DDX43: variants seen among roughly 807,000 people sequenced by gnomAD.
The protein encoded by DDX43 is probable ATP-dependent RNA helicase DDX43.
In DDX43, 50 loss-of-function variants were observed where a neutral mutation model predicts 84.9. That is an observed-to-expected ratio of 0.59 (90% confidence interval 0.47 to 0.75). DDX43 has a LOEUF of 0.75. Among genes scored for constraint, DDX43 ranks in the 30% least tolerant of loss-of-function variants. DDX43 has a pLI of 0.00. For missense variants in DDX43, 689 were observed against 798.6 expected, an observed-to-expected ratio of 0.86 and a Z score of 1.65; for synonymous variants, 291 against 266.3, an observed-to-expected ratio of 1.09 and a Z score of -0.90.
At position 73,394,838 on chromosome 6, in the gene DDX43, TACG is replaced by T; in HGVS notation, c.-64_-62del. ...CGTGGCTTCCCTGGCACGCTACTCT[TACG>T]ACGTCACGGTCAGGTGGTGCAGAGC... On this transcript the variant is annotated 5_prime_UTR_variant, in exon 1 of 17. Coordinates refer to ENST00000370336, the MANE Select transcript of DDX43 (RefSeq NM_018665.3). 2 of 1,576,208 alleles carry T rather than the reference TACG, an allele frequency of 1.3e-6. No homozygotes were observed. Among genetic ancestry groups the T allele is most frequent in the Non-Finnish European group, 1.7e-6 (2 of 1,161,568 alleles).
At chr6:73,405,317 C>T (rs775213941) in intron 5 of DDX43, among the ~76,000 whole-genome samples, 1 of 152,142 alleles carries the variant, frequency 6.6e-6, no homozygotes, top group Non-Finnish European at 1.5e-5. Flanking sequence ...TACTTCCTAA[C>T]ACATAGGATT....
chr6:73,413,736 A>C lies in DDX43; in HGVS notation c.1447A>C (p.Ser483Arg), dbSNP rs1769848341. The C allele has an allele frequency of 6.2e-7, 1 of 1,613,912 alleles. No individual in the cohort carries two copies. Among genetic ancestry groups the C allele is most frequent in the South Asian group, 1.1e-5 (1 of 91,044 alleles). ...KWSHMQTFLQ[S>R]MSSTDKVIVF... ...GAGTCACATGCAAACTTTTCTACAG[A>C]GTATGTCATCCACAGACAAAGTCAT... The change falls in exon 12 of 17, where the codon AGT (serine) becomes CGT (arginine). Residue 483 changes from serine to arginine, a missense_variant. Ser to Arg is a moderately radical substitution (Grantham distance 110). Around this residue, in one of 2 missense-constraint regions of DDX43, gnomAD observed 552 missense variants for 692.7 expected, o/e 0.80. Coordinates refer to ENST00000370336, the MANE Select transcript of DDX43 (RefSeq NM_018665.3).
chr6:73,399,388 C>T (rs1769527846), intron 2 of DDX43, among the ~76,000 whole-genome samples: 1 of 152,156 alleles, frequency 6.6e-6, no homozygotes, highest in African/African-American at 2.4e-5. Context: ...TGTCCTCTCC[C>T]CTAATTCCTT....
chr6:73,397,576 C>T lies in DDX43; in HGVS notation c.251-113C>T, dbSNP rs913374026. On this transcript the variant is annotated intron_variant, in intron 1 of 16. Coordinates refer to ENST00000370336, the MANE Select transcript of DDX43 (RefSeq NM_018665.3). Reference sequence around the variant, plus strand: ...TTCCAAACAAAAAATGATTGTTGAACCCTAGGAGCATTTGGGGGGAAGAAC... The same window carrying T: ...TTCCAAACAAAAAATGATTGTTGAATCCTAGGAGCATTTGGGGGGAAGAAC... 1.8e-5 allele frequency: 15 copies of T among 831,810 alleles called. No homozygotes were observed. In the East Asian group the frequency reaches 2.5e-4, roughly 14 times the overall value. The allele number at this position is 831,810 out of a possible 1,614,324, so 51.5% of individuals were successfully genotyped here.
At chr6:73,412,651 G>GTA (rs1769811756) in intron 11 of DDX43, among the ~76,000 whole-genome samples, 2 of 83,844 alleles carry the variant, frequency 2.4e-5, no homozygotes, top group Admixed American at 1.2e-4. Flanking sequence ...GTGTGTGTGT[G>GTA]TGTGTGTGTG....
intron 11 of DDX43, 44 bp from the exon 12 acceptor site, chr6:73,413,614 C>CATTAAAA: frequency 6.3e-7 from 1 of 1,594,862 alleles, no homozygotes; most frequent in Non-Finnish European, 8.5e-7. Flanking sequence ...GTCTCACCCT[C>CATTAAAA]AATCATGATG....
chr6:73,407,907 G>C, intron 8 of DDX43, 53 bp from the exon 9 acceptor site: 7 of 1,535,332 alleles, frequency 4.6e-6, no homozygotes, highest in Non-Finnish European at 6.2e-6. Context: ...ATTTTAAGTT[G>C]TGATGAGATA....
intron 2 of DDX43, chr6:73,397,946 C>T (rs1769504191): frequency 9.6e-6 from 4 of 418,388 alleles, no homozygotes; most frequent in Non-Finnish European, 1.7e-5. Flanking sequence ...TACGGGTTCC[C>T]ACCACCAAGC....
intron 9 of DDX43, among the ~76,000 whole-genome samples, chr6:73,408,349 T>C (rs923905833): frequency 6.6e-6 from 1 of 151,792 alleles, no homozygotes; most frequent in African/African-American, 2.4e-5. Context: ...ACAGAATCAC[T>C]TGAACCTGGG....
chr6:73,397,713 A>G lies in DDX43; in HGVS notation c.275A>G (p.Asn92Ser). 1 of 1,613,810 alleles carries G rather than the reference A, an allele frequency of 6.2e-7. No individual in the cohort carries two copies. The highest frequency in any genetic ancestry group is 8.5e-7 in the Non-Finnish European group (1 of 1,179,706). ...GGTCGTGGTGGGTCAAAAATAAAGA[A>G]TATACAAAGTACAACAAACACCACA... ...VIGRGGSKIK[N>S]IQSTTNTTIQ... Residue 92 changes from asparagine (N) to serine (S), a missense_variant, in exon 2 of 17, where the codon AAT becomes AGT. By Grantham distance (46) the Asn-to-Ser change is conservative. Transcript: ENST00000370336.
chr6:73,397,638 A>G, intron 1 of DDX43, 51 bp from the exon 2 acceptor site: 1 of 1,452,658 alleles, frequency 6.9e-7, no homozygotes, highest in South Asian at 1.2e-5. Context: ...GTAAATTTTC[A>G]ACTTACTAAT....
chr6:73,402,578 T>G (rs1447541501), intron 4 of DDX43, among the ~76,000 whole-genome samples: 1 of 151,974 alleles, frequency 6.6e-6, no homozygotes, highest in African/African-American at 2.4e-5. Context: ...CAGCCTTGTT[T>G]GAATTTTATT....
chr6:73,402,490 C>T (rs575530676), intron 4 of DDX43, among the ~76,000 whole-genome samples: 1 of 152,312 alleles, frequency 6.6e-6, no homozygotes, highest in African/African-American at 2.4e-5. Flanking sequence ...CCAGGCTAGT[C>T]TCGAACTCCT....
chr6:73,401,879 G>T lies in DDX43; in HGVS notation c.457G>T (p.Val153Phe). The T allele has an allele frequency of 6.2e-7, 1 of 1,613,300 alleles. No individual in the cohort carries two copies. The highest frequency in any genetic ancestry group is 1.1e-5 in the South Asian group (1 of 91,036). Residue 153 changes from valine (V) to phenylalanine (F), a missense_variant, in exon 4 of 17, where the codon GTT (valine) becomes TTT (phenylalanine). By Grantham distance (50) the Val-to-Phe change is conservative (BLOSUM62 -1). Around this residue, in one of 2 missense-constraint regions of DDX43, gnomAD observed 552 missense variants for 692.7 expected, o/e 0.80. Coordinates refer to ENST00000370336, the MANE Select transcript of DDX43 (RefSeq NM_018665.3). ...AACAGATACTGCATTCCAACCTTCT[G>T]TTGGAAAAGATGGAAGCACAGATAA... is the stretch of plus-strand genomic sequence containing the variant. ...CGIDTAFQPS[V>F]GKDGSTDNNV...
rs141080238 is a variant in DDX43 at position 73,401,668 on chromosome 6, G to A, written c.437-191G>A. Among the ~76,000 whole-genome samples the A allele has an allele frequency of 3.5e-3, 539 of 152,162 alleles. 7 individuals are homozygous for A. The highest frequency in any genetic ancestry group is 0.03 in the East Asian group (153 of 5,162). The stretch of plus-strand genomic sequence containing the variant: ...AATACAAAAATTAGCTGGGCGTTGC[G>A]GCGTGTGCCTGTACTCCCAGCTGCT... On this transcript the variant is annotated intron_variant, in intron 3 of 16. Transcript: ENST00000370336.
rs1228141828 is a variant in DDX43, at chr6:73,415,482, TC to T, written c.1746-10del. ...TGAATAATGAATACATGAGTTTTTT[TC>T]CCCCACACTAAAGGAGGACTGGTGT... is the stretch of plus-strand genomic sequence containing the variant. On this transcript the variant is annotated splice_polypyrimidine_tract_variant and intron_variant, in intron 14 of 16. Coordinates refer to ENST00000370336, the MANE Select transcript of DDX43 (RefSeq NM_018665.3). The T allele has an allele frequency of 1.3e-6, 2 of 1,593,536 alleles. No individual in the cohort carries two copies. Among genetic ancestry groups the T allele is most frequent in the Non-Finnish European group, 1.7e-6 (2 of 1,163,896 alleles).
intron 1 of DDX43, 76 bp downstream of exon 1, chr6:73,395,231 A>G: frequency 6.7e-7 from 1 of 1,488,698 alleles, no homozygotes; most frequent in South Asian, 1.3e-5. Context: ...TTTCCTCCCC[A>G]CTGCCTCACC....
intron 4 of DDX43, among the ~76,000 whole-genome samples, chr6:73,404,117 G>GC (rs1756121836): frequency 6.8e-6 from 1 of 148,060 alleles, no homozygotes; most frequent in African/African-American, 2.5e-5. Flanking sequence ...GCCGCCGCCG[G>GC]CCCCTTTTTT....
chr6:73,415,394 C>A, intron 14 of DDX43, 103 bp from the exon 15 acceptor site: 1 of 722,514 alleles, frequency 1.4e-6, no homozygotes, highest in Non-Finnish European at 2.3e-6. Flanking sequence ...TCTGTTTGAC[C>A]CTAAATCTTA....
Sources: allele counts gnomAD v4.1 joint callset (sites outside exome capture counted in the v4.1 genomes callset), GRCh38; gene constraint gnomAD v4.1.1; regional missense constraint gnomAD v4.1.1; transcripts MANE v1.5; gene names NCBI Gene and HGNC (gene_info 2026-07-23, HGNC 2026-07-21).